Variants in HRK observed in about 807,000 individuals in gnomAD.
HRK encodes the protein activator of apoptosis harakiri.
A neutral mutation model predicts 5.9 loss-of-function variants in HRK; 6 were observed. The ratio of observed to expected loss-of-function variants is 1.02; its 90% CI spans 0.56 to 2.01. The LOEUF (loss-of-function observed/expected upper bound fraction) is 2.01. HRK is among the 30% of genes most tolerant of loss of function. HRK has a pLI of 0.00. For missense variants in HRK, 133 were observed against 128.3 expected, an observed-to-expected ratio of 1.04 and a Z score of -0.18; for synonymous variants, 85 against 65.1, an observed-to-expected ratio of 1.31 and a Z score of -1.47.
rs910574229 is a variant in HRK, at chr12:116,859,484, T to C, written c.*2039A>G. The C allele has an allele frequency of 1.3e-5, 2 of 152,234 alleles. No individual in the cohort carries two copies. Among genetic ancestry groups the C allele is most frequent in the Non-Finnish European group, 2.9e-5 (2 of 68,046 alleles). The allele number at this position is 152,234 out of a possible 1,614,324, so 9.4% of individuals were successfully genotyped here. On this transcript the variant is annotated 3_prime_UTR_variant, in exon 2 of 2. Transcript: ENST00000257572. ...GTGACTGTATTTCATATTATTCTAATGAATTTGCCTTCTCTAAGTTCGTAG... is the reference window on the plus strand; with the variant it reads ...GTGACTGTATTTCATATTATTCTAACGAATTTGCCTTCTCTAAGTTCGTAG...
At position 116,859,637 on chromosome 12, in the gene HRK, TC is replaced by T. The variant is rs1198248475; in HGVS notation, c.*1885del. 1.1e-4 allele frequency: 10 copies of T among 87,338 alleles called. No individual in the cohort carries two copies. The highest frequency in any genetic ancestry group is 3.5e-4 in the South Asian group (1 of 2,878). The allele number at this position is 87,338 out of a possible 1,614,324, so 5.4% of individuals were successfully genotyped here. On this transcript the variant is annotated 3_prime_UTR_variant, in exon 2 of 2. Coordinates refer to ENST00000257572, the MANE Select transcript of HRK (RefSeq NM_003806.4). ...GTTCTCCCAAAATAAGCATTATTCT[TC>T]TTTTTTTTTTTTTGGTTTGCTGAGT...
At chr12:116,872,567 G>A (rs1878791306) in intron 1 of HRK, among the ~76,000 whole-genome samples, 1 of 151,624 alleles carries the variant, frequency 6.6e-6, no homozygotes, top group Admixed American at 6.6e-5. Context: ...TTGAGCTCAG[G>A]AGTTCAAGAC....
At chr12:116,863,407 T>C (rs1414334792) in intron 1 of HRK, among the ~76,000 whole-genome samples, 1 of 152,158 alleles carries the variant, frequency 6.6e-6, no homozygotes, top group East Asian at 1.9e-4. Context: ...CCAGGTCCCA[T>C]TCCTTACCCT....
Position 116,860,881 on chromosome 12 carries a change from A to C in HRK, c.*642T>G, listed in dbSNP as rs1878337696. The stretch of plus-strand genomic sequence containing the variant: ...CAAAAATCCCATTTCTCTTGACGTG[A>C]CAGTGGGATCTAGCGATCGACCTAG... On this transcript the variant is annotated 3_prime_UTR_variant, in exon 2 of 2. Coordinates refer to ENST00000257572, the MANE Select transcript of HRK (RefSeq NM_003806.4). 1 of 152,266 alleles carries C rather than the reference A, an allele frequency of 6.6e-6. No individual in the cohort carries two copies. Among genetic ancestry groups the C allele is most frequent in the Non-Finnish European group, 1.5e-5 (1 of 68,074 alleles). The allele number at this position is 152,266 out of a possible 1,614,324, so 9.4% of individuals were successfully genotyped here.
chr12:116,880,569 C>T (rs577011161), intron 1 of HRK, among the ~76,000 whole-genome samples: 1 of 152,168 alleles, frequency 6.6e-6, no homozygotes, highest in East Asian at 1.9e-4. Flanking sequence ...GGAACGGGAC[C>T]GGGGACCTTT....
Position 116,857,389 on chromosome 12 carries a change from A to G in HRK, c.*4134T>C, listed in dbSNP as rs1475809052. 6.6e-6 allele frequency: 1 copy of G among 152,226 alleles called. No individual in the cohort carries two copies. Among genetic ancestry groups the G allele is most frequent in the Non-Finnish European group, 1.5e-5 (1 of 68,034 alleles). The allele number at this position is 152,226 out of a possible 1,614,324, so 9.4% of individuals were successfully genotyped here. ...AACTTCCAGTCAGCTCCATGGGACTAAGAAGAGTGTCTAGCTGGTCCCCCA... is the reference window on the plus strand; with the variant it reads ...AACTTCCAGTCAGCTCCATGGGACTGAGAAGAGTGTCTAGCTGGTCCCCCA... On this transcript the variant is annotated 3_prime_UTR_variant, in exon 2 of 2. Coordinates refer to ENST00000257572, the MANE Select transcript of HRK (RefSeq NM_003806.4).
rs1593004346 is a variant in HRK, at chr12:116,864,078, A to G, written c.*57-2612T>C. 5.3e-5 allele frequency among the ~76,000 whole-genome samples: 8 copies of G among 152,340 alleles called. 1 individual carries two copies. In the South Asian group the frequency reaches 1.7e-3, roughly 32 times the overall value. Reference sequence around the variant, plus strand: ...TTATGTAGCCACCATATATTTTCATAGAATATGGAATTAGTCATCAATCAA... The same window carrying G: ...TTATGTAGCCACCATATATTTTCATGGAATATGGAATTAGTCATCAATCAA... On this transcript the variant is annotated intron_variant, in intron 1 of 1. Coordinates refer to ENST00000257572, the MANE Select transcript of HRK (RefSeq NM_003806.4).
rs1879132310 is a variant in HRK, at chr12:116,881,116, C to A, written c.192G>T (p.Ala64=). ...ARSRRAPAPG[A]LPTYWPWLCA... is the part of the protein sequence containing the mutation. Reference sequence around the variant, plus strand: ...ACAGCCAAGGCCAGTAGGTGGGGAGCGCGCCGGGCGCCGGCGCCCTCCGGC... The same window carrying A: ...ACAGCCAAGGCCAGTAGGTGGGGAGAGCGCCGGGCGCCGGCGCCCTCCGGC... Residue 64 remains alanine, a synonymous_variant, in exon 1 of 2, where the codon GCG becomes GCT. Coordinates refer to ENST00000257572, the MANE Select transcript of HRK (RefSeq NM_003806.4). The A allele has an allele frequency of 3.3e-6, 4 of 1,227,174 alleles. No homozygotes were observed. The highest frequency in any genetic ancestry group is 3.6e-5 in the South Asian group (1 of 27,640). The allele number at this position is 1,227,174 out of a possible 1,614,324, so 76.0% of individuals were successfully genotyped here. A position where few individuals can be genotyped will look rare whatever the true frequency, so the allele number is the denominator to read the frequency against.
intron 1 of HRK, among the ~76,000 whole-genome samples, chr12:116,872,233 G>A (rs1220257507): frequency 6.6e-6 from 1 of 152,132 alleles, no homozygotes; most frequent in Non-Finnish European, 1.5e-5. Flanking sequence ...AGCCAGGTGT[G>A]GTGGCAGGCA....
At position 116,871,122 on chromosome 12, in the gene HRK, GTTTTGTT is replaced by G. The variant is rs1381144703; in HGVS notation, c.*57-9663_*57-9657del. 2.6e-3 allele frequency among the ~76,000 whole-genome samples: 401 copies of G among 151,370 alleles called. 4 individuals carry two copies. Among genetic ancestry groups the G allele is most frequent in the African/African-American group, 9.4e-3 (388 of 41,158 alleles). On this transcript the variant is annotated intron_variant, in intron 1 of 1. Transcript: ENST00000257572. Reference sequence around the variant, plus strand: ...GTTTTGTTTTGTTTTGTTTTGTTTTGTTTTGTTTTGTTTTAGTAGAAGCGAGGTTTCA... The same window carrying G: ...GTTTTGTTTTGTTTTGTTTTGTTTTGTTGTTTTAGTAGAAGCGAGGTTTCA...
chr12:116,881,197 G>T lies in HRK; in HGVS notation c.111C>A (p.Leu37=). The change falls in exon 1 of 2, where the codon CTC becomes CTA. Residue 37 remains leucine (L), a synonymous_variant. Transcript: ENST00000257572. ...SSAAQLTAAR[L]KALGDELHQR... is the part of the protein sequence containing the mutation. ...GGTGCAGCTCGTCGCCTAGCGCCTTGAGCCGGGCGGCGGTGAGCTGCGCGG... is the reference window on the plus strand; with the variant it reads ...GGTGCAGCTCGTCGCCTAGCGCCTTTAGCCGGGCGGCGGTGAGCTGCGCGG... 4.4e-6 allele frequency: 5 copies of T among 1,141,498 alleles called. No homozygotes were observed. Among genetic ancestry groups the T allele is most frequent in the Non-Finnish European group, 5.4e-6 (5 of 931,460 alleles). The allele number at this position is 1,141,498 out of a possible 1,614,324, so 70.7% of individuals were successfully genotyped here. A position where few individuals can be genotyped will look rare whatever the true frequency, so the allele number is the denominator to read the frequency against.
At position 116,859,766 on chromosome 12, in the gene HRK, AAGG is replaced by A. The variant is rs1335281739; in HGVS notation, c.*1754_*1756del. 6.6e-6 allele frequency: 1 copy of A among 152,148 alleles called. No individual in the cohort carries two copies. The highest frequency in any genetic ancestry group is 1.5e-5 in the Non-Finnish European group (1 of 68,056). 9.4% of individuals were successfully genotyped at this position (152,148 alleles called of 1,614,324 possible). ...GGAAAACACAAGGAACGGATTTTAA[AAGG>A]AAGACAGAAAGAAATCCAGCTCCCA... On this transcript the variant is annotated 3_prime_UTR_variant, in exon 2 of 2. Coordinates refer to ENST00000257572, the MANE Select transcript of HRK (RefSeq NM_003806.4).
At chr12:116,866,129 G>A (rs2137246022) in intron 1 of HRK, among the ~76,000 whole-genome samples, 1 of 139,408 alleles carries the variant, frequency 7.2e-6, no homozygotes, top group African/African-American at 2.7e-5. Flanking sequence ...TTGCACTCCA[G>A]CCTGGGAGAG....
At chr12:116,870,229 T>C (rs1210663428) in intron 1 of HRK, among the ~76,000 whole-genome samples, 1 of 152,180 alleles carries the variant, frequency 6.6e-6, no homozygotes, top group Non-Finnish European at 1.5e-5. Context: ...TGTGTTAGCA[T>C]TTTACAGGAC....
intron 1 of HRK, among the ~76,000 whole-genome samples, chr12:116,868,523 C>A (rs1878629486): frequency 6.6e-6 from 1 of 152,154 alleles, no homozygotes; most frequent in Non-Finnish European, 1.5e-5. Context: ...AACACAGACC[C>A]TTTTGGCTCA....
In HRK at chr12:116,862,264, G is replaced by T. The variant is rs1474888502; in HGVS notation, c.*57-798C>A. On this transcript the variant is annotated intron_variant, in intron 1 of 1. Coordinates refer to ENST00000257572, the MANE Select transcript of HRK (RefSeq NM_003806.4). The surrounding 1 kb of genome is among the most constrained non-coding windows in gnomAD (Gnocchi z 4.0). ...ATCCACCACAGAATGCACAAAATGT[G>T]TGCACAAATGCTCATGGCAGAATTA... is the stretch of plus-strand genomic sequence containing the variant. Among the ~76,000 whole-genome samples the T allele has an allele frequency of 6.6e-6, 1 of 152,168 alleles. No homozygotes were observed. Among genetic ancestry groups the T allele is most frequent in the African/African-American group, 2.4e-5 (1 of 41,428 alleles).
At chr12:116,866,459 C>T (rs1878551378) in intron 1 of HRK, among the ~76,000 whole-genome samples, 1 of 151,418 alleles carries the variant, frequency 6.6e-6, no homozygotes, top group Non-Finnish European at 1.5e-5. Flanking sequence ...AAGAAGATTG[C>T]TCCGGTCCAT....
Position 116,881,257 on chromosome 12 carries a change from G to A in HRK, c.51C>T (p.Ala17=). ...GCAGCCCCAGGCGACCCGCGCTGCA[G>A]GCGCACACGGCCGGGGGGCCGCGGC... is the stretch of plus-strand genomic sequence containing the variant. The part of the protein sequence containing the change: ...HRGRGPPAVC[A]CSAGRLGLRS... Residue 17 remains alanine, a synonymous_variant, in exon 1 of 2, where the codon GCC becomes GCT. Transcript: ENST00000257572. 1 of 1,091,730 alleles carries A rather than the reference G, an allele frequency of 9.2e-7. No individual in the cohort carries two copies. The highest frequency in any genetic ancestry group is 1.1e-6 in the Non-Finnish European group (1 of 900,262). The allele number at this position is 1,091,730 out of a possible 1,614,324, so 67.6% of individuals were successfully genotyped here. A position where few individuals can be genotyped will look rare whatever the true frequency, so the allele number is the denominator to read the frequency against.
At chr12:116,865,945 G>A (rs1878529370) in intron 1 of HRK, among the ~76,000 whole-genome samples, 1 of 151,968 alleles carries the variant, frequency 6.6e-6, no homozygotes, top group East Asian at 1.9e-4. Flanking sequence ...ATCACTTGAG[G>A]TCAGGAGTTT....
Sources: allele counts gnomAD v4.1 joint callset (sites outside exome capture counted in the v4.1 genomes callset), GRCh38; gene constraint gnomAD v4.1.1; non-coding constraint Gnocchi (gnomAD v3.1); transcripts MANE v1.5; gene names NCBI Gene and HGNC (gene_info 2026-07-23, HGNC 2026-07-21).